YAP1: variants seen among roughly 807,000 people sequenced by gnomAD.
YAP1 encodes the protein Yes1 associated transcriptional regulator.
YAP1 carries 5 observed loss-of-function variants against 56.9 expected under a neutral mutation model. The ratio of observed to expected loss-of-function variants is 0.09; its 90% CI spans 0.05 to 0.18. YAP1 has a LOEUF of 0.18. Ranked by LOEUF, YAP1 falls within the 10% of genes least tolerant of loss-of-function variation. The pLI is 1.00. For synonymous variants in YAP1, 265 were observed against 248.1 expected (o/e 1.07, Z -0.64); for missense variants, 539 against 651.8 (o/e 0.83, Z 1.88).
intron 2 of YAP1, among the ~76,000 whole-genome samples, chr11:102,145,302 G>A (rs1945267518): frequency 1.3e-5 from 2 of 152,172 alleles, no homozygotes; most frequent in Admixed American, 1.3e-4. Context: ...CACCAATTGT[G>A]TTTTGAGTGG....
intron 2 of YAP1, among the ~76,000 whole-genome samples, chr11:102,120,076 G>A (rs1037030810): frequency 6.6e-6 from 1 of 152,194 alleles, no homozygotes; most frequent in African/African-American, 2.4e-5. Context: ...AAGGGCTTCT[G>A]ATTCTAGGAT....
At chr11:102,178,102 G>T (rs1478016632) in intron 3 of YAP1, among the ~76,000 whole-genome samples, 1 of 152,068 alleles carries the variant, frequency 6.6e-6, no homozygotes, top group East Asian at 1.9e-4. Flanking sequence ...TCCATCGTAG[G>T]GTTGTTAAGT....
chr11:102,187,278 A>C (rs912630647), intron 4 of YAP1, among the ~76,000 whole-genome samples: 1 of 152,244 alleles, frequency 6.6e-6, no homozygotes, highest in Non-Finnish European at 1.5e-5. Context: ...AAGTTAAGTC[A>C]ATGGCAGGAT....
intron 2 of YAP1, among the ~76,000 whole-genome samples, chr11:102,118,728 G>A (rs980322767): frequency 1.4e-5 from 2 of 145,378 alleles, no homozygotes; most frequent in Admixed American, 1.4e-4. Flanking sequence ...ACCAGCCTGG[G>A]CGACAGAGCC....
At chr11:102,165,830 A>G (rs1411047229) in intron 3 of YAP1, among the ~76,000 whole-genome samples, 1 of 152,198 alleles carries the variant, frequency 6.6e-6, no homozygotes, top group Non-Finnish European at 1.5e-5. Flanking sequence ...AGCGACAAGG[A>G]ACCACTAACG....
Position 102,110,911 on chromosome 11 carries a change from G to C in YAP1, c.63G>C (p.Ser21=). 7.0e-7 allele frequency: 1 copy of C among 1,432,268 alleles called. No individual in the cohort carries two copies. Among genetic ancestry groups the C allele is most frequent in the Middle Eastern group, 2.5e-4 (1 of 3,940 alleles). 88.7% of individuals were successfully genotyped at this position (1,432,268 alleles called of 1,614,324 possible). A position where few individuals can be genotyped will look rare whatever the true frequency, so the allele number is the denominator to read the frequency against. The change falls in exon 1 of 9, where the codon TCG becomes TCC. Residue 21 remains serine (S), a synonymous_variant. Coordinates refer to ENST00000282441, the MANE Select transcript of YAP1 (RefSeq NM_001130145.3). ...CCCAGGGCCAAGGGCAGCCGCCTTC[G>C]CAGCCCCCGCAGGGGCAGGGCCCGC... ...PAPQGQGQPP[S]QPPQGQGPPS... is the part of the protein sequence containing the mutation.
At chr11:102,188,867 A>G (rs1303721193) in intron 4 of YAP1, among the ~76,000 whole-genome samples, 2 of 152,224 alleles carry the variant, frequency 1.3e-5, no homozygotes, top group Admixed American at 6.5e-5. Flanking sequence ...AATGTTATTT[A>G]TGTAATTTTA....
At chr11:102,226,355 T>C (rs1180783965) in intron 7 of YAP1, among the ~76,000 whole-genome samples, 1 of 152,216 alleles carries the variant, frequency 6.6e-6, no homozygotes, top group Non-Finnish European at 1.5e-5. Context: ...GCAAATGCAT[T>C]GCATCATTTA....
rs774938898 is a variant in YAP1 at position 102,184,062 on chromosome 11, G to GCGAGACT, written c.689-1954_689-1948dup. Among the ~76,000 whole-genome samples the GCGAGACT allele has an allele frequency of 3.1e-3, 427 of 138,986 alleles. 1 individual carries two copies. The highest frequency in any genetic ancestry group is 5.3e-3 in the Non-Finnish European group (347 of 65,288). The allele number at this position is 138,986 out of a possible 152,430, so 91.2% of individuals were successfully genotyped here. A position where few individuals can be genotyped will look rare whatever the true frequency, so the allele number is the denominator to read the frequency against. ...ACTGCACTCCAGCCTGGGCGACAGA[G>GCGAGACT]CGAGACTCCGTCTCAAAAAAAAAAA... is the stretch of plus-strand genomic sequence containing the variant. On this transcript the variant is annotated intron_variant, in intron 3 of 8. Coordinates refer to ENST00000282441, the MANE Select transcript of YAP1 (RefSeq NM_001130145.3).
intron 2 of YAP1, among the ~76,000 whole-genome samples, chr11:102,137,234 T>C (rs4329661): frequency 0.58 from 88,778 of 151,992 alleles, 26,719 homozygotes; most frequent in South Asian, 0.74. Context: ...CTCTAAACTT[T>C]AGTTTTCTTA....
chr11:102,158,471 T>C (rs1946079522), intron 2 of YAP1, among the ~76,000 whole-genome samples: 1 of 152,322 alleles, frequency 6.6e-6, no homozygotes, highest in South Asian at 2.1e-4. Context: ...GAGGATCTCA[T>C]TAAACTATAG....
chr11:102,175,386 C>T (rs1032103867), intron 3 of YAP1, among the ~76,000 whole-genome samples: 2 of 151,956 alleles, frequency 1.3e-5, no homozygotes, highest in Admixed American at 6.6e-5. Context: ...GGTGACAGAG[C>T]GAGACCTCGT....
chr11:102,215,995 T>C (rs17689912), intron 6 of YAP1, among the ~76,000 whole-genome samples: 4,062 of 152,276 alleles, frequency 0.027, 99 homozygotes, highest in Middle Eastern at 0.051. Context: ...CTGCCTCCCA[T>C]ACAAGCGCGC....
intron 4 of YAP1, among the ~76,000 whole-genome samples, chr11:102,197,339 A>G (rs774738323): frequency 1.3e-5 from 2 of 152,220 alleles, no homozygotes; most frequent in African/African-American, 4.8e-5. Flanking sequence ...TTGTAAATGT[A>G]TACCCAGTAA....
intron 3 of YAP1, among the ~76,000 whole-genome samples, chr11:102,175,905 T>C (rs1947219720): frequency 6.6e-6 from 1 of 152,256 alleles, no homozygotes; most frequent in Non-Finnish European, 1.5e-5. Flanking sequence ...AATGTCATTA[T>C]GCAGCAAATT....
At chr11:102,177,540 G>C (rs1310972648) in intron 3 of YAP1, among the ~76,000 whole-genome samples, 1 of 151,994 alleles carries the variant, frequency 6.6e-6, no homozygotes, top group East Asian at 1.9e-4. Context: ...AGCTGGGCGT[G>C]GTGGTGAGGG....
chr11:102,163,790 T>C (rs1946435324), intron 3 of YAP1, among the ~76,000 whole-genome samples: 1 of 152,200 alleles, frequency 6.6e-6, no homozygotes. Context: ...ACTTGAAATG[T>C]CCTTCTGCCC....
intron 3 of YAP1, among the ~76,000 whole-genome samples, chr11:102,168,648 C>T (rs1208829941): frequency 2.0e-5 from 3 of 152,058 alleles, no homozygotes; most frequent in Non-Finnish European, 2.9e-5. Context: ...AAAGGTGATA[C>T]GTGTTAGAGG....
intron 2 of YAP1, among the ~76,000 whole-genome samples, chr11:102,119,642 G>GA (rs60814352): frequency 9.1e-4 from 130 of 142,488 alleles, no homozygotes; most frequent in South Asian, 2.1e-3. Context: ...TTGAAACTTG[G>GA]AAAAAAAAAA....
Sources: allele counts gnomAD v4.1 joint callset (sites outside exome capture counted in the v4.1 genomes callset), GRCh38; gene constraint gnomAD v4.1.1; transcripts MANE v1.5; gene names NCBI Gene and HGNC (gene_info 2026-07-23, HGNC 2026-07-21).